Variants in MYOM1 observed in about 807,000 individuals in gnomAD.
The protein encoded by MYOM1 is myomesin 1, also known as myomesin-1.
A neutral mutation model predicts 205.3 loss-of-function variants in MYOM1; 164 were observed. That is an observed-to-expected ratio of 0.80 (90% CI 0.70 to 0.91). The LOEUF is 0.91. Among genes scored for constraint, MYOM1 ranks in the 40% least tolerant of loss-of-function variants. The pLI is 0.00. For missense variants in MYOM1, 2,011 were observed against 2,127.3 expected (o/e 0.95, Z 1.08); for synonymous variants, 772 against 789.4 (o/e 0.98, Z 0.37).
intron 26 of MYOM1, among the ~76,000 whole-genome samples, chr18:3,091,708 C>T (rs1187013735): frequency 3.3e-5 from 5 of 151,658 alleles, no homozygotes; most frequent in Admixed American, 3.3e-4. Flanking sequence ...TAGACTCTCA[C>T]ATTACCTTCC....
Position 3,174,171 on chromosome 18 carries a change from C to A in MYOM1, c.1060G>T (p.Ala354Ser). 6.2e-7 allele frequency: 1 copy of A among 1,613,994 alleles called. No individual in the cohort carries two copies. The highest frequency in any genetic ancestry group is 8.5e-7 in the Non-Finnish European group (1 of 1,179,878). ...FEDTAQYRAS[A>S]MNVKGELSAY... ...GAAAGCTCTCCTTTAACATTCATCG[C>A]CGAGGCCCGGTACTGAGCTGTATCT... is the stretch of plus-strand genomic sequence containing the variant. Residue 354 changes from alanine to serine, a missense_variant, in exon 7 of 38, where the codon GCG becomes TCG. By Grantham distance (99) the Ala-to-Ser change is moderately conservative. Transcript: ENST00000356443.
intron 37 of MYOM1, among the ~76,000 whole-genome samples, chr18:3,068,328 C>G (rs1042827508): frequency 1.3e-5 from 2 of 151,062 alleles, no homozygotes; most frequent in Non-Finnish European, 3.0e-5. Flanking sequence ...ACCCAGCTTC[C>G]CAGTGGTAAC....
intron 16 of MYOM1, among the ~76,000 whole-genome samples, chr18:3,132,114 G>GTATATATATATATA (rs1475436185): frequency 4.2e-5 from 3 of 70,946 alleles, no homozygotes; most frequent in African/African-American, 1.5e-4. Context: ...TTATATATGT[G>GTATATATATATATA]TGTGTATATA....
At position 3,094,191 on chromosome 18, in the gene MYOM1, C is replaced by T; in HGVS notation, c.3843G>A (p.Glu1281=). 2 of 1,613,996 alleles carry T rather than the reference C, an allele frequency of 1.2e-6. No individual in the cohort carries two copies. Among genetic ancestry groups the T allele is most frequent in the Non-Finnish European group, 1.7e-6 (2 of 1,179,874 alleles). ...GNAKVNYIFN[E]KEIFEGPKYK... is the part of the protein sequence containing the mutation. The stretch of plus-strand genomic sequence containing the variant: ...CTACCGGGCCTTCAAAAATTTCCTT[C>T]TCGTTAAATATGTAGTTGACTTTGG... Residue 1281 remains glutamate (E), a synonymous_variant, in exon 26 of 38, where the codon GAG becomes GAA. Transcript: ENST00000356443.
chr18:3,079,316 C>CT lies in MYOM1; in HGVS notation c.4510dup (p.Arg1504LysfsTer3). ...CTCTCCAGTGACCCCGGTCTTAACT[C>CT]TGTCTGAGTACCTAATGGCGGACCC... On this transcript the variant is annotated frameshift_variant, in exon 34 of 38. Coordinates refer to ENST00000356443, the MANE Select transcript of MYOM1 (RefSeq NM_003803.4). LOFTEE classifies it high-confidence loss of function. 6.2e-7 allele frequency: 1 copy of CT among 1,613,738 alleles called. No individual in the cohort carries two copies. The highest frequency in any genetic ancestry group is 8.5e-7 in the Non-Finnish European group (1 of 1,179,706).
At chr18:3,186,786 GAGAGAAAGAAAGAA>G (rs1276298136) in intron 5 of MYOM1, among the ~76,000 whole-genome samples, 9 of 124,154 alleles carry the variant, frequency 7.2e-5, no homozygotes, top group South Asian at 4.9e-4. Context: ...AGGAAGGAGA[GAGAGAAAGAAAGAA>G]AGAGAAAGAA....
At chr18:3,183,546 G>A (rs572427186) in intron 5 of MYOM1, among the ~76,000 whole-genome samples, 33 of 152,276 alleles carry the variant, frequency 2.2e-4, no homozygotes, top group African/African-American at 6.3e-4. Context: ...GGGCTCTGCC[G>A]GAGACAGGCC....
the MYOM1 span, among the ~76,000 whole-genome samples, chr18:3,232,015 T>A: frequency 7.4e-3 from 1,124 of 152,168 alleles, 15 homozygotes; most frequent in African/African-American, 0.025. Flanking sequence ...TTGCTTTTTT[T>A]AATTATATTT....
At chr18:3,244,534 A>G in the MYOM1 span, among the ~76,000 whole-genome samples, 1 of 152,172 alleles carries the variant, frequency 6.6e-6, no homozygotes, top group Non-Finnish European at 1.5e-5. Context: ...CGGGCAGATC[A>G]CTTGATGTCA....
intron 2 of MYOM1, among the ~76,000 whole-genome samples, chr18:3,202,351 ATG>A (rs2081079702): frequency 1.4e-5 from 2 of 143,466 alleles, no homozygotes; most frequent in Non-Finnish European, 3.0e-5. Context: ...GCAAACGTAA[ATG>A]GAATAAAAAA....
intron 22 of MYOM1, among the ~76,000 whole-genome samples, chr18:3,105,040 T>C (rs184672469): frequency 6.6e-6 from 1 of 152,304 alleles, no homozygotes; most frequent in Admixed American, 6.5e-5. Context: ...TGAGCCACTG[T>C]GCCCAGCCTT....
At chr18:3,154,000 T>C (rs1338698590) in intron 11 of MYOM1, among the ~76,000 whole-genome samples, 2 of 152,324 alleles carry the variant, frequency 1.3e-5, no homozygotes, top group East Asian at 3.9e-4. Flanking sequence ...TTGGAGAATA[T>C]AGACAAGAAC....
At chr18:3,071,701 A>G (rs1193451980) in intron 37 of MYOM1, 133 bp downstream of exon 37, 1 of 852,244 alleles carries the variant, frequency 1.2e-6, no homozygotes. Flanking sequence ...TACTCTGGTC[A>G]AGTATAAGCA....
chr18:3,086,076 C>T lies in MYOM1; in HGVS notation c.4213G>A (p.Asp1405Asn), dbSNP rs1262113763. 2.5e-6 allele frequency: 4 copies of T among 1,611,322 alleles called. No homozygotes were observed. In the African/African-American group the frequency reaches 5.3e-5, roughly 22 times the overall value. The part of the protein sequence containing the change: ...EREISVDEKH[D>N]FKDGICTLLI... ...AGGGTACATATACCATCCTTAAAGT[C>T]ATGCTTTTCATCCACTGATATCTCC... is the stretch of plus-strand genomic sequence containing the variant. The change falls in exon 30 of 38, where the codon GAC becomes AAC. Residue 1405 changes from aspartate (D) to asparagine (N), a missense_variant. Asp to Asn is a conservative substitution (Grantham distance 23). Coordinates refer to ENST00000356443, the MANE Select transcript of MYOM1 (RefSeq NM_003803.4).
chr18:3,240,762 G>A, the MYOM1 span, among the ~76,000 whole-genome samples: 1 of 152,170 alleles, frequency 6.6e-6, no homozygotes, highest in South Asian at 2.1e-4. Context: ...AGGAAAATGT[G>A]GAAAAGTTTG....
intron 33 of MYOM1, among the ~76,000 whole-genome samples, chr18:3,081,383 G>GTT (rs200135681): frequency 2.6e-5 from 4 of 152,136 alleles, no homozygotes; most frequent in Non-Finnish European, 5.9e-5. Flanking sequence ...CGTTTCAAGG[G>GTT]TTTTTTTCCC....
Position 3,176,104 on chromosome 18 carries a change from A to G in MYOM1, c.960T>C (p.His320=). The change falls in exon 6 of 38, where the codon CAT becomes CAC. Residue 320 remains histidine, a synonymous_variant. Coordinates refer to ENST00000356443, the MANE Select transcript of MYOM1 (RefSeq NM_003803.4). ...CAATAATATACTTTCCAGGGTTTGC[A>G]TGGACATTTATTGGCACCTGGTTTT... The part of the protein sequence containing the change: ...WYKNQVPINV[H]ANPGKYIIES... 1.2e-6 allele frequency: 2 copies of G among 1,609,204 alleles called. No homozygotes were observed. Among genetic ancestry groups the G allele is most frequent in the Non-Finnish European group, 1.7e-6 (2 of 1,175,574 alleles).
chr18:3,195,666 G>A (rs2080983715), intron 2 of MYOM1, among the ~76,000 whole-genome samples: 1 of 152,076 alleles, frequency 6.6e-6, no homozygotes, highest in African/African-American at 2.4e-5. Context: ...ATAGTCTCAT[G>A]AGCTCATTAT....
At chr18:3,244,452 C>T in the MYOM1 span, among the ~76,000 whole-genome samples, 12 of 152,088 alleles carry the variant, frequency 7.9e-5, no homozygotes, top group Admixed American at 7.2e-4. Flanking sequence ...GAAGTCATAA[C>T]GGTCGGCCCT....
Sources: allele counts gnomAD v4.1 joint callset (sites outside exome capture counted in the v4.1 genomes callset), GRCh38; gene constraint gnomAD v4.1.1; transcripts MANE v1.5; gene names NCBI Gene and HGNC (gene_info 2026-07-23, HGNC 2026-07-21).